GALNT13: variants seen among roughly 807,000 people sequenced by gnomAD.
The protein encoded by GALNT13 is UDP-GalNAc:polypeptide N-acetylgalactosaminyltransferase 13.
GALNT13 carries 28 observed loss-of-function variants against 64.2 expected under a neutral mutation model. The observed-to-expected ratio is 0.44, with a 90% CI of 0.32 to 0.60. The LOEUF (loss-of-function observed/expected upper bound fraction) is 0.60, where lower values mean the gene tolerates loss of function less well. Among genes scored for constraint, GALNT13 ranks in the 20% least tolerant of loss-of-function variants. The pLI is 0.05. For synonymous variants in GALNT13, 214 were observed against 224.6 expected (o/e 0.95, Z 0.42); for missense variants, 577 against 669.8 (o/e 0.86, Z 1.53).
At chr2:153,439,168 C>G in the GALNT13 span, among the ~76,000 whole-genome samples, 2 of 152,126 alleles carry the variant, frequency 1.3e-5, no homozygotes, top group African/African-American at 2.4e-5. Context: ...GCTGCCTGAT[C>G]GTTCCTCTGG....
chr2:153,476,045 C>A, the GALNT13 span, among the ~76,000 whole-genome samples: 1 of 152,128 alleles, frequency 6.6e-6, no homozygotes, highest in Admixed American at 6.5e-5. Context: ...TGCCCAGATA[C>A]CAAAACAACA....
the GALNT13 span, among the ~76,000 whole-genome samples, chr2:153,666,049 C>G: frequency 1.3e-5 from 2 of 152,048 alleles, no homozygotes; most frequent in Admixed American, 1.3e-4. Flanking sequence ...GATCTGAACA[C>G]CCCTCTATCT....
chr2:153,944,015 A>T (rs937823437), intron 2 of GALNT13, among the ~76,000 whole-genome samples: 17 of 152,202 alleles, frequency 1.1e-4, no homozygotes, highest in Non-Finnish European at 5.9e-5. Flanking sequence ...ATTGTATCCC[A>T]GGATGATTTC....
At chr2:154,103,908 A>G (rs1351378772) in intron 3 of GALNT13, among the ~76,000 whole-genome samples, 1 of 152,008 alleles carries the variant, frequency 6.6e-6, no homozygotes, top group East Asian at 1.9e-4. Flanking sequence ...CTGTCATCAG[A>G]TTTTTTATTT....
chr2:154,377,052 A>ATCTT (rs981386286), intron 9 of GALNT13, among the ~76,000 whole-genome samples: 26 of 152,166 alleles, frequency 1.7e-4, no homozygotes, highest in African/African-American at 6.3e-4. Flanking sequence ...GTTCAGATAT[A>ATCTT]TCTTTATAAT....
At chr2:153,152,662 G>A in the GALNT13 span, among the ~76,000 whole-genome samples, 3 of 152,054 alleles carry the variant, frequency 2.0e-5, no homozygotes, top group African/African-American at 7.2e-5. Context: ...TGTAGTATTA[G>A]GTTTTCTGTT....
At chr2:153,916,280 C>T (rs973626172) in intron 2 of GALNT13, among the ~76,000 whole-genome samples, 1 of 151,938 alleles carries the variant, frequency 6.6e-6, no homozygotes, top group Admixed American at 6.6e-5. Context: ...CCTCGGCCTC[C>T]TGAGTATCCG....
chr2:153,917,968 A>T (rs540901708), intron 2 of GALNT13, among the ~76,000 whole-genome samples: 114 of 150,884 alleles, frequency 7.6e-4, no homozygotes, highest in South Asian at 2.3e-3. Flanking sequence ...AATTACTTGG[A>T]TTTCTACTTC....
chr2:154,040,500 A>T (rs959816975), intron 3 of GALNT13, among the ~76,000 whole-genome samples: 2 of 140,788 alleles, frequency 1.4e-5, no homozygotes, highest in African/African-American at 4.9e-5. Flanking sequence ...CTGTATGATT[A>T]TGGATAGGTT....
At chr2:154,292,196 A>T (rs1367634921) in intron 8 of GALNT13, among the ~76,000 whole-genome samples, 1 of 152,070 alleles carries the variant, frequency 6.6e-6, no homozygotes, top group Admixed American at 6.5e-5. Flanking sequence ...CTTGGAGAGA[A>T]CTGACTCATG....
intron 4 of GALNT13, among the ~76,000 whole-genome samples, chr2:154,183,257 T>A (rs1407713404): frequency 2.0e-5 from 3 of 152,180 alleles, no homozygotes. Context: ...CTTTGTGAAT[T>A]GTATGTTTAT....
intron 3 of GALNT13, among the ~76,000 whole-genome samples, chr2:154,108,850 T>C (rs932772989): frequency 1.3e-5 from 2 of 152,142 alleles, no homozygotes; most frequent in African/African-American, 4.8e-5. Context: ...AGAAACAGTT[T>C]CTTTCCATTG....
At chr2:153,082,669 A>G in the GALNT13 span, among the ~76,000 whole-genome samples, 1 of 134,574 alleles carries the variant, frequency 7.4e-6, no homozygotes, top group Non-Finnish European at 1.6e-5. Flanking sequence ...ACACACATAT[A>G]TATAATTTAT....
At chr2:153,821,114 A>G in the GALNT13 span, among the ~76,000 whole-genome samples, 2 of 152,178 alleles carry the variant, frequency 1.3e-5, no homozygotes, top group African/African-American at 4.8e-5. Flanking sequence ...TAGACTTATG[A>G]AAAGATTCAT....
At chr2:154,008,738 C>G (rs1696425740) in intron 3 of GALNT13, among the ~76,000 whole-genome samples, 1 of 152,120 alleles carries the variant, frequency 6.6e-6, no homozygotes, top group Non-Finnish European at 1.5e-5. Flanking sequence ...CTAGTTCCAT[C>G]CATGTTGCTG....
At chr2:154,142,549 C>CAAAAAAAAAAAAAAAAA (rs71396392) in intron 4 of GALNT13, among the ~76,000 whole-genome samples, 1 of 66,500 alleles carries the variant, frequency 1.5e-5, no homozygotes, top group Non-Finnish European at 2.8e-5. Context: ...AACTCTGTCT[C>CAAAAAAAAAAAAAAAAA]AAAAAAAAAA....
chr2:153,095,438 G>A, the GALNT13 span, among the ~76,000 whole-genome samples: 1 of 152,168 alleles, frequency 6.6e-6, no homozygotes, highest in South Asian at 2.1e-4. Flanking sequence ...CACTGTTGAT[G>A]GAACTGTAAA....
the GALNT13 span, among the ~76,000 whole-genome samples, chr2:153,450,854 C>A: frequency 6.6e-6 from 1 of 152,104 alleles, no homozygotes; most frequent in African/African-American, 2.4e-5. Flanking sequence ...ATTTTGATTT[C>A]TTTCCATAGG....
At chr2:154,183,443 G>T (rs1398109806) in intron 4 of GALNT13, among the ~76,000 whole-genome samples, 1 of 152,064 alleles carries the variant, frequency 6.6e-6, no homozygotes, top group African/African-American at 2.4e-5. Flanking sequence ...TGAGTATGGT[G>T]GCTCACGCCT....
Sources: gnomAD v4.1 joint callset for allele counts (sites outside exome capture counted in the v4.1 genomes callset) on GRCh38, gnomAD v4.1.1 for gene constraint, MANE v1.5 for transcripts, NCBI Gene and HGNC (gene_info 2026-07-23, HGNC 2026-07-21) for gene names.